Variants in SCML4 observed in about 807,000 individuals in gnomAD.
SCML4 encodes Scm polycomb group protein like 4.
Under a neutral mutation model 41.1 loss-of-function variants are expected in SCML4, and 34 were observed. The ratio of observed to expected loss-of-function variants is 0.83; its 90% CI spans 0.63 to 1.10. The LOEUF (loss-of-function observed/expected upper bound fraction) is 1.10. Ranked by LOEUF, SCML4 falls within the 50% of genes least tolerant of loss-of-function variation. The pLI, the probability that SCML4 is intolerant of heterozygous loss-of-function variation, is 0.00. For synonymous variants in SCML4, 214 were observed against 220.9 expected, an observed-to-expected ratio of 0.97 and a Z score of 0.28; for missense variants, 522 against 534.1, an observed-to-expected ratio of 0.98 and a Z score of 0.22.
At chr6:107,814,861 G>T (rs1462043906) in intron 1 of SCML4, among the ~76,000 whole-genome samples, 1 of 152,042 alleles carries the variant, frequency 6.6e-6, no homozygotes, top group Non-Finnish European at 1.5e-5. Flanking sequence ...CCGTACAAAG[G>T]TGCTTTCTAA....
chr6:107,768,792 C>T (rs1390917154), intron 2 of SCML4, among the ~76,000 whole-genome samples: 9 of 152,152 alleles, frequency 5.9e-5, no homozygotes, highest in Admixed American at 3.3e-4. Flanking sequence ...TTATTGGGGA[C>T]AAACAACTAC....
chr6:107,790,147 G>A (rs1181226782), intron 1 of SCML4, among the ~76,000 whole-genome samples: 1 of 152,144 alleles, frequency 6.6e-6, no homozygotes, highest in Non-Finnish European at 1.5e-5. Context: ...GTTTCTAGCT[G>A]GAGGTGGGTG....
intron 2 of SCML4, among the ~76,000 whole-genome samples, chr6:107,764,904 G>GC (rs1364954511): frequency 2.0e-5 from 3 of 152,126 alleles, no homozygotes; most frequent in Non-Finnish European, 4.4e-5. Context: ...TCTCTTATCT[G>GC]CCACCATATA....
At chr6:107,780,803 AGC>A (rs1781427148) in intron 1 of SCML4, among the ~76,000 whole-genome samples, 2 of 152,270 alleles carry the variant, frequency 1.3e-5, no homozygotes, top group African/African-American at 4.8e-5. Context: ...AGTCGGCATT[AGC>A]TTGTAACATA....
chr6:107,732,137 T>A (rs919393848), intron 5 of SCML4: 1 of 152,268 alleles, frequency 6.6e-6, no homozygotes, highest in Non-Finnish European at 1.5e-5. Flanking sequence ...CTCCCCTGCA[T>A]GCAGCCTTTC....
At chr6:107,773,017 TAGG>T (rs935842821) in intron 1 of SCML4, among the ~76,000 whole-genome samples, 2 of 152,084 alleles carry the variant, frequency 1.3e-5, no homozygotes, top group Non-Finnish European at 2.9e-5. Context: ...TAATAAGCAA[TAGG>T]AGAATACTTA....
rs116920158 is a variant in SCML4 at position 107,792,342 on chromosome 6, A to G, written c.-59-19956T>C. Among the ~76,000 whole-genome samples the G allele has an allele frequency of 8.2e-4, 125 of 152,330 alleles. No homozygotes were observed. In the East Asian group the frequency reaches 0.016, roughly 20 times the overall value. ...GCCTATCATCAGATAAGCAAACAAC[A>G]TAAGTTTGAGAGGGATGGCTAATGT... On this transcript the variant is annotated intron_variant, in intron 1 of 7. Coordinates refer to ENST00000369020, the MANE Select transcript of SCML4 (RefSeq NM_198081.5).
At chr6:107,825,960 A>G (rs1755744630), upstream of SCML4, among the ~76,000 whole-genome samples, 1 of 149,814 alleles carries the variant, frequency 6.7e-6, no homozygotes, top group African/African-American at 2.5e-5. Context: ...AAAAAAAGAA[A>G]ATAAGATGGA....
intron 3 of SCML4, 91 bp downstream of exon 3, chr6:107,749,593 C>G: frequency 6.7e-7 from 1 of 1,494,904 alleles, no homozygotes; most frequent in Non-Finnish European, 9.2e-7. Flanking sequence ...ATCTCAGCAA[C>G]AACTCTTTAA....
the SCML4 span, among the ~76,000 whole-genome samples, chr6:107,840,527 T>C: frequency 2.0e-5 from 3 of 152,238 alleles, no homozygotes; most frequent in African/African-American, 4.8e-5. Flanking sequence ...TGCCAGGCAC[T>C]GTTCTAGGCT....
intron 5 of SCML4, among the ~76,000 whole-genome samples, chr6:107,743,248 T>C (rs528575509): frequency 6.6e-6 from 1 of 152,322 alleles, no homozygotes; most frequent in Non-Finnish European, 1.5e-5. Context: ...GACATATCAA[T>C]TATTGACTAG....
intron 5 of SCML4, among the ~76,000 whole-genome samples, chr6:107,733,562 T>C (rs560598765): frequency 6.6e-6 from 1 of 152,332 alleles, no homozygotes; most frequent in African/African-American, 2.4e-5. Flanking sequence ...TTCTCAAGCA[T>C]GGACAACAGA....
chr6:107,707,792 G>A (rs3734751), intron 7 of SCML4, 74 bp downstream of exon 7: 116,289 of 1,537,310 alleles, frequency 0.076, 5,457 homozygotes, highest in Admixed American at 0.22. Flanking sequence ...GCATCCCGCA[G>A]CTCCCTGGAC....
the SCML4 span, among the ~76,000 whole-genome samples, chr6:107,838,646 C>T: frequency 6.6e-6 from 1 of 152,094 alleles, no homozygotes; most frequent in East Asian, 1.9e-4. Context: ...AGTTGCCCAT[C>T]CTTGAGGTAT....
chr6:107,835,115 C>T, the SCML4 span, among the ~76,000 whole-genome samples: 2 of 152,112 alleles, frequency 1.3e-5, no homozygotes, highest in Non-Finnish European at 2.9e-5. Flanking sequence ...AATCTCAGCA[C>T]TTTGGGAGGC....
At chr6:107,779,063 C>A (rs1191460015) in intron 1 of SCML4, among the ~76,000 whole-genome samples, 1 of 151,994 alleles carries the variant, frequency 6.6e-6, no homozygotes, top group Non-Finnish European at 1.5e-5. Context: ...GCCTGTAGTC[C>A]CAGCTACTCC....
intron 5 of SCML4, among the ~76,000 whole-genome samples, chr6:107,728,482 G>A (rs1040287964): frequency 6.6e-6 from 1 of 152,136 alleles, no homozygotes; most frequent in Non-Finnish European, 1.5e-5. Context: ...GGAGGCAGTC[G>A]CCTGTAATCC....
At chr6:107,772,137 A>G (rs1448987705) in intron 2 of SCML4, 35 bp downstream of exon 2, 3 of 1,528,532 alleles carry the variant, frequency 2.0e-6, no homozygotes, top group East Asian at 2.5e-5. Flanking sequence ...CCCCAGCCCA[A>G]TACCACTTTG....
At chr6:107,803,375 A>C (rs1393733359) in intron 1 of SCML4, among the ~76,000 whole-genome samples, 1 of 143,828 alleles carries the variant, frequency 7.0e-6, no homozygotes, top group Non-Finnish European at 1.5e-5. Flanking sequence ...TCTGGGAGGG[A>C]GGTGGGGGTC....
Sources: allele counts gnomAD v4.1 joint callset (sites outside exome capture counted in the v4.1 genomes callset), GRCh38; gene constraint gnomAD v4.1.1; transcripts MANE v1.5; gene names NCBI Gene and HGNC (gene_info 2026-07-23, HGNC 2026-07-21).